Variants in AFAP1L2 observed in about 807,000 individuals in gnomAD.
AFAP1L2 encodes actin filament associated protein 1 like 2.
In AFAP1L2, 46 loss-of-function variants were observed where a neutral mutation model predicts 99.3. That is an observed-to-expected ratio of 0.46 (90% CI 0.37 to 0.59). The LOEUF is 0.59. AFAP1L2 is among the 20% of genes least tolerant of loss of function. The pLI, the probability that AFAP1L2 is intolerant of heterozygous loss-of-function variation, is 0.00. For missense variants in AFAP1L2, 959 were observed against 1,034.9 expected (o/e 0.93, Z 1.01); for synonymous variants, 397 against 419.1 (o/e 0.95, Z 0.64).
At chr10:114,378,935 G>A (rs904127311) in intron 1 of AFAP1L2, among the ~76,000 whole-genome samples, 1 of 151,902 alleles carries the variant, frequency 6.6e-6, no homozygotes, top group African/African-American at 2.4e-5. Flanking sequence ...CATGATAACA[G>A]GCACAGCAGC....
intron 1 of AFAP1L2, among the ~76,000 whole-genome samples, chr10:114,351,098 G>T (rs1182542436): frequency 3.3e-5 from 5 of 152,180 alleles, no homozygotes; most frequent in Non-Finnish European, 4.4e-5. Flanking sequence ...CAGAACAAGA[G>T]GCTGATGGGG....
the AFAP1L2 span, chr10:114,289,306 G>A: frequency 6.2e-7 from 1 of 1,614,110 alleles, no homozygotes; most frequent in South Asian, 1.1e-5. Flanking sequence ...AGGCGCAGAG[G>A]ATGCAGCCGT....
chr10:114,364,379 G>C (rs1376259937), intron 1 of AFAP1L2, among the ~76,000 whole-genome samples: 1 of 152,164 alleles, frequency 6.6e-6, no homozygotes, highest in Non-Finnish European at 1.5e-5. Context: ...GGTTGACAGG[G>C]TCCCACTCCC....
In AFAP1L2 at chr10:114,388,214, G is replaced by A. The variant is rs549485845; in HGVS notation, c.16+16226C>T. The stretch of plus-strand genomic sequence containing the variant: ...AGTTTCACTGCATGAAAGCTCCCTC[G>A]CACCATCCTGCTCTCCCATTTCATC... On this transcript the variant is annotated intron_variant, in intron 1 of 18. Transcript: ENST00000304129. Among the ~76,000 whole-genome samples, 13 of 152,076 alleles carry A rather than the reference G, an allele frequency of 8.5e-5. No individual in the cohort carries two copies. In the South Asian group the frequency reaches 1.7e-3, roughly 19 times the overall value.
At chr10:114,368,863 T>C (rs932036105) in intron 1 of AFAP1L2, among the ~76,000 whole-genome samples, 1 of 151,370 alleles carries the variant, frequency 6.6e-6, no homozygotes, top group African/African-American at 2.4e-5. Context: ...TTGACATTGG[T>C]AATCAAGTCA....
At chr10:114,388,608 T>C (rs1451152300) in intron 1 of AFAP1L2, among the ~76,000 whole-genome samples, 1 of 152,250 alleles carries the variant, frequency 6.6e-6, no homozygotes, top group Non-Finnish European at 1.5e-5. Flanking sequence ...TCGTCAGTAC[T>C]GTGTCCAGCC....
At chr10:114,308,895 C>A (rs1007053770) in intron 8 of AFAP1L2, among the ~76,000 whole-genome samples, 1 of 152,226 alleles carries the variant, frequency 6.6e-6, no homozygotes, top group East Asian at 1.9e-4. Context: ...TGCACAGGAG[C>A]AGACCATGTG....
chr10:114,302,243 C>A, intron 12 of AFAP1L2, 96 bp downstream of exon 12: 2 of 1,534,396 alleles, frequency 1.3e-6, no homozygotes, highest in Non-Finnish European at 1.8e-6. Context: ...GGGGTGGGAC[C>A]CTGTGCTCCC....
intron 1 of AFAP1L2, among the ~76,000 whole-genome samples, chr10:114,376,769 C>T (rs924296358): frequency 6.6e-6 from 1 of 152,194 alleles, no homozygotes; most frequent in Non-Finnish European, 1.5e-5. Context: ...TAAAAACACT[C>T]ACAATTTCAA....
At chr10:114,282,705 G>T in the AFAP1L2 span, 24 of 719,228 alleles carry the variant, frequency 3.3e-5, no homozygotes, top group East Asian at 6.0e-4. Context: ...GGGGCACTTG[G>T]GGGGCAGAGG....
At chr10:114,388,303 A>C (rs565032558) in intron 1 of AFAP1L2, among the ~76,000 whole-genome samples, 2 of 151,462 alleles carry the variant, frequency 1.3e-5, no homozygotes, top group Non-Finnish European at 1.5e-5. Context: ...ACACACACAC[A>C]CCCATTCAGA....
chr10:114,286,020 T>C, the AFAP1L2 span: 2 of 1,613,988 alleles, frequency 1.2e-6, no homozygotes, highest in East Asian at 2.2e-5. Flanking sequence ...GACGGCTTCC[T>C]GCGGGCCAAA....
intron 1 of AFAP1L2, among the ~76,000 whole-genome samples, chr10:114,368,341 A>T (rs542605110): frequency 3.0e-4 from 46 of 152,312 alleles, no homozygotes; most frequent in African/African-American, 9.6e-4. Flanking sequence ...TATAAGATGG[A>T]TAAGGTCTGG....
At chr10:114,281,709 G>A in the AFAP1L2 span, 1 of 984,878 alleles carries the variant, frequency 1.0e-6, no homozygotes, top group South Asian at 4.7e-5. Context: ...GGAGGGGCGG[G>A]GCTGGGGCAC....
intron 5 of AFAP1L2, among the ~76,000 whole-genome samples, chr10:114,321,500 C>T (rs966037276): frequency 1.3e-5 from 2 of 152,152 alleles, no homozygotes; most frequent in African/African-American, 2.4e-5. Flanking sequence ...TTATCCCCCT[C>T]ATTGGTTGAT....
chr10:114,291,302 G>A, downstream of AFAP1L2: 1 of 1,508,540 alleles, frequency 6.6e-7, no homozygotes, highest in Non-Finnish European at 8.9e-7. Context: ...GAGAAGGCCT[G>A]GGCACTGAAA....
intron 10 of AFAP1L2, 104 bp downstream of exon 10, chr10:114,307,701 A>T: frequency 1.1e-6 from 1 of 899,862 alleles, no homozygotes; most frequent in Non-Finnish European, 1.8e-6. Flanking sequence ...AGAGATGTTT[A>T]CGGAAGACCT....
chr10:114,374,545 G>A (rs2054549181), intron 1 of AFAP1L2, among the ~76,000 whole-genome samples: 1 of 152,144 alleles, frequency 6.6e-6, no homozygotes, highest in Non-Finnish European at 1.5e-5. Flanking sequence ...TGGCTTTGAT[G>A]AGCCATTCTC....
At chr10:114,375,672 T>C (rs760664520) in intron 1 of AFAP1L2, among the ~76,000 whole-genome samples, 7 of 152,152 alleles carry the variant, frequency 4.6e-5, no homozygotes, top group Non-Finnish European at 1.0e-4. Flanking sequence ...ACTCATGCCC[T>C]AAGACAAAAA....
Sources: gnomAD v4.1 joint callset for allele counts (sites outside exome capture counted in the v4.1 genomes callset) on GRCh38, gnomAD v4.1.1 for gene constraint, MANE v1.5 for transcripts, NCBI Gene and HGNC (gene_info 2026-07-23, HGNC 2026-07-21) for gene names.